Variants in KCNT1 observed in about 807,000 individuals in gnomAD.
KCNT1 encodes the protein potassium sodium-activated channel subfamily T member 1.
KCNT1 carries 78 observed loss-of-function variants against 147.8 expected under a neutral mutation model. That is an observed-to-expected ratio of 0.53 (90% CI 0.44 to 0.64). The LOEUF is 0.64. Ranked by LOEUF, KCNT1 falls within the 30% of genes least tolerant of loss-of-function variation. The probability of loss-of-function intolerance (pLI) is 0.00; values close to 1 mark genes in which losing one functional copy is unlikely to be tolerated. For synonymous variants in KCNT1, 867 were observed against 748.8 expected (o/e 1.16, Z -2.58); for missense variants, 1,419 against 1,750.3 (o/e 0.81, Z 3.38).
intron 6 of KCNT1, among the ~76,000 whole-genome samples, chr9:135,756,252 C>T (rs750347637): frequency 1.3e-5 from 2 of 152,124 alleles, no homozygotes; most frequent in African/African-American, 2.4e-5. Flanking sequence ...ACACAATTTT[C>T]CCAGGGATCC....
intron 28 of KCNT1, chr9:135,785,771 T>C (rs1475462895): frequency 2.3e-6 from 1 of 427,110 alleles, no homozygotes; most frequent in Non-Finnish European, 4.3e-6. Context: ...CCAAAGGGTG[T>C]GTTTGCAAGA....
In KCNT1 at chr9:135,714,224, G is replaced by A. The variant is rs892890028; in HGVS notation, c.111-353G>A. 6.6e-6 allele frequency among the ~76,000 whole-genome samples: 1 copy of A among 151,858 alleles called. No individual in the cohort carries two copies. The highest frequency in any genetic ancestry group is 1.5e-5 in the Non-Finnish European group (1 of 67,868). On this transcript the variant is annotated intron_variant, in intron 1 of 30. Transcript: ENST00000371757. The surrounding 1 kb of genome is among the most constrained non-coding windows in gnomAD (Gnocchi z 6.2). The stretch of plus-strand genomic sequence containing the variant: ...TGGCGGGGCTTCAGAGCAGGGGGAG[G>A]GCCTCCATCCTGGCTCTTGGGGGAT...
intron 30 of KCNT1, 22 bp downstream of exon 30, chr9:135,791,903 T>C (rs368479391): frequency 6.2e-7 from 1 of 1,611,916 alleles, no homozygotes; most frequent in African/African-American, 1.4e-5. Context: ...CTGTGGGCTG[T>C]GTGGAGACCC....
chr9:135,756,963 G>A (rs781356531), intron 7 of KCNT1, 31 bp downstream of exon 7: 2 of 1,580,604 alleles, frequency 1.3e-6, no homozygotes, highest in East Asian at 2.3e-5. Context: ...GCACCTCACA[G>A]GGGGTCCCCA....
At chr9:135,777,187 C>A in intron 20 of KCNT1, 151 bp from the exon 21 acceptor site, 1 of 753,442 alleles carries the variant, frequency 1.3e-6, no homozygotes, top group Non-Finnish European at 2.2e-6. Flanking sequence ...TAGCTCCCCA[C>A]AGGCGTGTGC....
At chr9:135,753,363 C>T (rs1293989550) in intron 4 of KCNT1, among the ~76,000 whole-genome samples, 1 of 152,188 alleles carries the variant, frequency 6.6e-6, no homozygotes, top group African/African-American at 2.4e-5. Flanking sequence ...ACAAAACTAG[C>T]TTGTTGGCCA....
rs60142493 is a variant in KCNT1 at position 135,769,207 on chromosome 9, A to G, written c.1510+270A>G. Among the ~76,000 whole-genome samples, 2,529 of 99,908 alleles carry G rather than the reference A, an allele frequency of 0.025. 127 individuals are homozygous for G. Among genetic ancestry groups the G allele is most frequent in the Admixed American group, 0.057 (512 of 8,982 alleles). 65.5% of individuals were successfully genotyped at this position (99,908 alleles called of 152,430 possible). A position where few individuals can be genotyped will look rare whatever the true frequency, so the allele number is the denominator to read the frequency against. Reference sequence around the variant, plus strand: ...CGTGTGCACACGTGGGTGACAGTGCATCTGGGGCAGGGCACGTGTGCACGT... The same window carrying G: ...CGTGTGCACACGTGGGTGACAGTGCGTCTGGGGCAGGGCACGTGTGCACGT... On this transcript the variant is annotated intron_variant, in intron 15 of 30. Transcript: ENST00000371757.
intron 11 of KCNT1, among the ~76,000 whole-genome samples, chr9:135,760,177 A>C (rs1297122124): frequency 6.6e-6 from 1 of 152,130 alleles, no homozygotes; most frequent in Non-Finnish European, 1.5e-5. Flanking sequence ...GTCAAGGTGG[A>C]CAGCCGGCCC....
chr9:135,788,758 C>G (rs1480365428), intron 29 of KCNT1, among the ~76,000 whole-genome samples: 1 of 152,216 alleles, frequency 6.6e-6, no homozygotes, highest in Non-Finnish European at 1.5e-5. Flanking sequence ...ATTCTTCCTG[C>G]TCGGCTCGAG....
At position 135,751,802 on chromosome 9, in the gene KCNT1, G is replaced by A. The variant is rs61392063; in HGVS notation, c.434+761G>A. Among the ~76,000 whole-genome samples, 752 of 152,236 alleles carry A rather than the reference G, an allele frequency of 4.9e-3. 5 individuals carry two copies. Among genetic ancestry groups the A allele is most frequent in the African/African-American group, 0.017 (686 of 41,538 alleles). On this transcript the variant is annotated intron_variant, in intron 4 of 30. Coordinates refer to ENST00000371757, the MANE Select transcript of KCNT1 (RefSeq NM_020822.3). ...TTTGGGGACCAGCCCCCAACCCCAGGCCTCTCTCTCTGGCTCCCTGGCACT... is the reference window on the plus strand; with the variant it reads ...TTTGGGGACCAGCCCCCAACCCCAGACCTCTCTCTCTGGCTCCCTGGCACT...
rs1298529710 is a variant in KCNT1, at chr9:135,753,964, C to T, written c.462C>T (p.Ser154=). 5.6e-6 allele frequency: 9 copies of T among 1,614,154 alleles called. No individual in the cohort carries two copies. The highest frequency in any genetic ancestry group is 6.8e-6 in the Non-Finnish European group (8 of 1,179,984). The change falls in exon 5 of 31, where the codon TCC becomes TCT. Residue 154 remains serine, a synonymous_variant. Transcript: ENST00000371757. ...GGGGCTGCCCAAAGCAGAACTACTC[C>T]TTCAATGACTCGTCCTCCGAGATCA... ...GCWGCPKQNY[S]FNDSSSEINW...
chr9:135,768,995 G>A (rs1304817386), intron 15 of KCNT1, 58 bp downstream of exon 15: 19 of 1,301,158 alleles, frequency 1.5e-5, no homozygotes, highest in African/African-American at 2.9e-5. Context: ...GTGTGCACAC[G>A]TGGGTGATGG....
Position 135,769,033 on chromosome 9 carries a change from A to G in KCNT1, c.1510+96A>G, listed in dbSNP as rs11103179. 171,706 of 848,152 alleles carry G rather than the reference A, an allele frequency of 0.2. 17,885 individuals carry two copies. The highest frequency in any genetic ancestry group is 0.26 in the Middle Eastern group (914 of 3,554). 52.5% of individuals were successfully genotyped at this position (848,152 alleles called of 1,614,324 possible). A position where few individuals can be genotyped will look rare whatever the true frequency, so the allele number is the denominator to read the frequency against. On this transcript the variant is annotated intron_variant, in intron 15 of 30. Transcript: ENST00000371757. Reference sequence around the variant, plus strand: ...CATCTGGGGCAGGGCGCATGTGCACATGTGTGACGGTGCGTCTGGGGCAGG... The same window carrying G: ...CATCTGGGGCAGGGCGCATGTGCACGTGTGTGACGGTGCGTCTGGGGCAGG...
intron 2 of KCNT1, among the ~76,000 whole-genome samples, chr9:135,747,826 G>A (rs890873364): frequency 6.6e-6 from 1 of 152,078 alleles, no homozygotes. Flanking sequence ...TATGCCCGGT[G>A]GGGTGACAAG....
At chr9:135,715,951 T>G (rs1459428963) in intron 2 of KCNT1, among the ~76,000 whole-genome samples, 1 of 152,184 alleles carries the variant, frequency 6.6e-6, no homozygotes, top group Non-Finnish European at 1.5e-5. Flanking sequence ...GTTTTTCATC[T>G]TGTTGAACTC....
At position 135,772,875 on chromosome 9, in the gene KCNT1, GC is replaced by G; in HGVS notation, c.2172del (p.Cys725AlafsTer4). 1 of 1,558,350 alleles carries G rather than the reference GC, an allele frequency of 6.4e-7. No individual in the cohort carries two copies. Among genetic ancestry groups the G allele is most frequent in the Non-Finnish European group, 8.7e-7 (1 of 1,152,244 alleles). On this transcript the variant is annotated frameshift_variant, in exon 19 of 31. Transcript: ENST00000371757. LOFTEE classifies it high-confidence loss of function. The part of the protein sequence containing the change: ...LELADSSALL[P>X]CDLLSDQSED... ...AACTGGCCGACAGCTCAGCCCTGCT[GC>G]CCTGCGACCTGCTGAGCGACCAGTC...
chr9:135,788,191 C>T (rs1462388826), intron 29 of KCNT1: 26 of 1,595,818 alleles, frequency 1.6e-5, no homozygotes, highest in Middle Eastern at 3.3e-4. Context: ...GTGCCGACCA[C>T]CGCACAACGG....
chr9:135,781,916 A>C (rs1034576963), intron 24 of KCNT1, among the ~76,000 whole-genome samples: 1 of 152,082 alleles, frequency 6.6e-6, no homozygotes, highest in African/African-American at 2.4e-5. Context: ...GTCCCCATCT[A>C]TACAAAAAAT....
chr9:135,748,124 G>C (rs1255500494), intron 2 of KCNT1, among the ~76,000 whole-genome samples: 1 of 152,096 alleles, frequency 6.6e-6, no homozygotes, highest in African/African-American at 2.4e-5. Flanking sequence ...ATTGAGACGG[G>C]GGTCTTGCTA....
Sources: allele counts gnomAD v4.1 joint callset (sites outside exome capture counted in the v4.1 genomes callset), GRCh38; gene constraint gnomAD v4.1.1; non-coding constraint Gnocchi (gnomAD v3.1); transcripts MANE v1.5; gene names NCBI Gene and HGNC (gene_info 2026-07-23, HGNC 2026-07-21).